The following ERG variants were observed in gnomAD, a reference collection of about 807,000 sequenced individuals.
The protein encoded by ERG is transcriptional regulator ERG.
Under a neutral mutation model 55.3 loss-of-function variants are expected in ERG, and 9 were observed. The ratio of observed to expected loss-of-function variants is 0.16; its 90% CI spans 0.10 to 0.28. The LOEUF is 0.28. Ranked by LOEUF, ERG falls within the 10% of genes least tolerant of loss-of-function variation. The pLI is 1.00. For missense variants in ERG, 434 were observed against 631.6 expected (o/e 0.69, Z 3.35); for synonymous variants, 223 against 237.3 (o/e 0.94, Z 0.55).
At position 38,466,564 on chromosome 21, in the gene ERG, A is replaced by AG. The variant is rs576883997; in HGVS notation, c.19-20944dup. Among the ~76,000 whole-genome samples the AG allele has an allele frequency of 1.8e-3, 279 of 152,034 alleles. 3 individuals carry two copies. Among genetic ancestry groups the AG allele is most frequent in the African/African-American group, 6.0e-3 (250 of 41,456 alleles). On this transcript the variant is annotated intron_variant, in intron 1 of 9. Transcript: ENST00000288319. ...TCCTGGAAGATATACTCCCAAAGTG[A>AG]GGGGGGGTCTATGTTGGAAGCAAAA...
At chr21:38,395,581 C>T (rs1413640022) in intron 6 of ERG, 1 of 188,538 alleles carries the variant, frequency 5.3e-6, no homozygotes, top group Non-Finnish European at 1.1e-5. Context: ...CTGTAAGAGA[C>T]TGTGTTTAAA....
chr21:38,395,989 G>A (rs1485353099), intron 6 of ERG, among the ~76,000 whole-genome samples: 1 of 152,076 alleles, frequency 6.6e-6, no homozygotes, highest in African/African-American at 2.4e-5. Flanking sequence ...GATCGTGGAA[G>A]AGCTCATCCT....
chr21:38,541,295 T>C (rs1470882908), intron 2 of ERG, among the ~76,000 whole-genome samples: 1 of 152,158 alleles, frequency 6.6e-6, no homozygotes, highest in Non-Finnish European at 1.5e-5. Flanking sequence ...CCAACTACAA[T>C]TACCTGAGCA....
intron 1 of ERG, among the ~76,000 whole-genome samples, chr21:38,581,767 G>A (rs1199022001): frequency 6.6e-6 from 1 of 152,232 alleles, no homozygotes; most frequent in Non-Finnish European, 1.5e-5. Flanking sequence ...GAGGCGGCCA[G>A]GCGCGGTGGC....
intron 1 of ERG, among the ~76,000 whole-genome samples, chr21:38,469,361 T>C (rs1475281944): frequency 1.3e-5 from 2 of 152,232 alleles, no homozygotes; most frequent in Non-Finnish European, 2.9e-5. Context: ...CTGTTACTTG[T>C]ATGCCATTAC....
chr21:38,524,743 A>G (rs909354882), intron 2 of ERG, among the ~76,000 whole-genome samples: 4 of 152,240 alleles, frequency 2.6e-5, no homozygotes, highest in Non-Finnish European at 4.4e-5. Context: ...ACTGTTTAAA[A>G]AAAGAAAGAA....
chr21:38,611,144 C>T (rs574369406), intron 1 of ERG, among the ~76,000 whole-genome samples: 4 of 152,302 alleles, frequency 2.6e-5, no homozygotes, highest in South Asian at 4.1e-4. Flanking sequence ...CAGAATAACA[C>T]GCATGCCCTC....
intron 1 of ERG, among the ~76,000 whole-genome samples, chr21:38,652,629 TCAGA>T (rs1185540186): frequency 1.3e-5 from 2 of 152,126 alleles, no homozygotes; most frequent in South Asian, 2.1e-4. Context: ...AACCAAATGC[TCAGA>T]CAATGACTCC....
intron 6 of ERG, chr21:38,400,320 C>A: frequency 1.7e-6 from 1 of 596,794 alleles, no homozygotes; most frequent in Non-Finnish European, 3.2e-6. Context: ...ATCCAGGATG[C>A]CTTCTTTGCC....
At chr21:38,463,224 G>C (rs575654731) in intron 1 of ERG, among the ~76,000 whole-genome samples, 9 of 152,172 alleles carry the variant, frequency 5.9e-5, no homozygotes, top group African/African-American at 1.7e-4. Context: ...TCTGTGCTTG[G>C]GTGTCTCATT....
Position 38,392,253 on chromosome 21 carries a change from A to G in ERG, c.814+123T>C, listed in dbSNP as rs1040628566. 6.0e-6 allele frequency: 5 copies of G among 835,850 alleles called. No homozygotes were observed. The African/African-American group carries it at 6.7e-5, about 11-fold the overall frequency. The allele number at this position is 835,850 out of a possible 1,614,324, so 51.8% of individuals were successfully genotyped here. A position where few individuals can be genotyped will look rare whatever the true frequency, so the allele number is the denominator to read the frequency against. ...AAGATCAATTGTACTCTTGTCGTCA[A>G]TGGAACAAACCCATCACATGTTGCA... On this transcript the variant is annotated intron_variant, in intron 7 of 9. Transcript: ENST00000288319.
Position 38,386,110 on chromosome 21 carries a change from C to T in ERG, c.920-2187G>A, listed in dbSNP as rs145120398. Among the ~76,000 whole-genome samples the T allele has an allele frequency of 2.6e-3, 390 of 152,298 alleles. 1 individual carries two copies. Among genetic ancestry groups the T allele is most frequent in the Non-Finnish European group, 4.7e-3 (318 of 68,024 alleles). ...GGACAAAAGTGATCTCATGTCTCTCCTATTTCTGAAGAGTTAGAAAGCAGG... is the reference window on the plus strand; with the variant it reads ...GGACAAAAGTGATCTCATGTCTCTCTTATTTCTGAAGAGTTAGAAAGCAGG... On this transcript the variant is annotated intron_variant, in intron 9 of 9. Transcript: ENST00000288319.
chr21:38,462,738 C>T (rs73439078), intron 1 of ERG, among the ~76,000 whole-genome samples: 4 of 152,064 alleles, frequency 2.6e-5, no homozygotes, highest in Non-Finnish European at 4.4e-5. Flanking sequence ...TCCTAACTGA[C>T]GAGTGCTGCC....
chr21:38,573,814 C>T (rs1459054324), intron 2 of ERG, among the ~76,000 whole-genome samples: 1 of 152,194 alleles, frequency 6.6e-6, no homozygotes, highest in South Asian at 2.1e-4. Flanking sequence ...TGTCTTATTT[C>T]TTTTCTCAGT....
intron 2 of ERG, among the ~76,000 whole-genome samples, chr21:38,436,517 T>C (rs886775858): frequency 6.6e-6 from 1 of 151,866 alleles, no homozygotes; most frequent in Admixed American, 6.6e-5. Flanking sequence ...TGAAGAAGAG[T>C]CCAGGCCTGT....
At chr21:38,389,609 G>A (rs1980404482) in intron 9 of ERG, among the ~76,000 whole-genome samples, 1 of 151,082 alleles carries the variant, frequency 6.6e-6, no homozygotes, top group Non-Finnish European at 1.5e-5. Flanking sequence ...AGGCTGAGAA[G>A]AGACCACAGC....
chr21:38,445,018 C>A (rs1266940343), intron 2 of ERG, among the ~76,000 whole-genome samples: 1 of 152,140 alleles, frequency 6.6e-6, no homozygotes, highest in African/African-American at 2.4e-5. Flanking sequence ...AAAGAGAGTT[C>A]TTGGTAAATA....
intron 2 of ERG, among the ~76,000 whole-genome samples, chr21:38,541,717 G>C (rs553889569): frequency 6.6e-6 from 1 of 152,098 alleles, no homozygotes; most frequent in African/African-American, 2.4e-5. Context: ...TGAATTTAAC[G>C]AAACTTCAGC....
intron 2 of ERG, among the ~76,000 whole-genome samples, chr21:38,522,352 A>G (rs931392392): frequency 6.6e-6 from 1 of 152,168 alleles, no homozygotes; most frequent in Non-Finnish European, 1.5e-5. Flanking sequence ...TATCATATCT[A>G]TAAATTTACT....
Sources: allele counts gnomAD v4.1 joint callset (sites outside exome capture counted in the v4.1 genomes callset), GRCh38; gene constraint gnomAD v4.1.1; transcripts MANE v1.5; gene names NCBI Gene and HGNC (gene_info 2026-07-23, HGNC 2026-07-21).